TEAD1: variants seen among roughly 807,000 people sequenced by gnomAD.
TEAD1 encodes TEA domain transcription factor 1.
A neutral mutation model predicts 54.9 loss-of-function variants in TEAD1; 9 were observed. The ratio of observed to expected loss-of-function variants is 0.16; its 90% CI spans 0.10 to 0.29. TEAD1 has a LOEUF of 0.29. Among genes scored for constraint, TEAD1 ranks in the 10% least tolerant of loss-of-function variants. TEAD1 has a pLI of 1.00. For missense variants in TEAD1, 387 were observed against 535.9 expected (o/e 0.72, Z 2.74); for synonymous variants, 200 against 187.8 (o/e 1.07, Z -0.53).
chr11:12,771,896 C>G (rs1033031635), intron 3 of TEAD1, among the ~76,000 whole-genome samples: 1 of 152,202 alleles, frequency 6.6e-6, no homozygotes. Context: ...CCAAGGCTCA[C>G]TATCAACAGA....
In TEAD1 at chr11:12,938,744, G is replaced by A. The variant is rs1949132174; in HGVS notation, c.*1522G>A. 6.6e-6 allele frequency: 1 copy of A among 152,262 alleles called. No individual in the cohort carries two copies. The highest frequency in any genetic ancestry group is 2.4e-5 in the African/African-American group (1 of 41,464). 9.4% of individuals were successfully genotyped at this position (152,262 alleles called of 1,614,324 possible). ...ATTGCCCAGGCAGAGTTGGTTTGAT[G>A]TGGCCAGATGTTTTGAGTTATTTCC... On this transcript the variant is annotated 3_prime_UTR_variant, in exon 13 of 13. Coordinates refer to ENST00000527636, the MANE Select transcript of TEAD1 (RefSeq NM_021961.6).
intron 3 of TEAD1, among the ~76,000 whole-genome samples, chr11:12,825,577 T>G (rs1391012190): frequency 6.6e-6 from 1 of 152,210 alleles, no homozygotes; most frequent in African/African-American, 2.4e-5. Flanking sequence ...TTGTTAAATC[T>G]TCCTAAAATG....
intron 3 of TEAD1, chr11:12,828,478 C>T (rs116135108): frequency 2.6e-5 from 4 of 152,164 alleles, no homozygotes; most frequent in Non-Finnish European, 5.9e-5. Context: ...CCGGGCAGAC[C>T]TCTCTCCTTT....
intron 3 of TEAD1, among the ~76,000 whole-genome samples, chr11:12,770,094 C>T (rs1432675443): frequency 6.6e-6 from 1 of 152,016 alleles, no homozygotes; most frequent in Admixed American, 6.5e-5. Flanking sequence ...GATTTCTGCA[C>T]AAAATATGGA....
chr11:12,854,335 T>G (rs1309584174), intron 3 of TEAD1, among the ~76,000 whole-genome samples: 1 of 152,150 alleles, frequency 6.6e-6, no homozygotes, highest in Admixed American at 6.5e-5. Context: ...TTCTCAGCAC[T>G]GGATGCACAG....
chr11:12,916,374 C>T (rs560130322), intron 10 of TEAD1, among the ~76,000 whole-genome samples: 4 of 152,220 alleles, frequency 2.6e-5, no homozygotes, highest in South Asian at 2.1e-4. Flanking sequence ...CAGTCTTTAT[C>T]GTGTTTATTG....
chr11:12,812,130 A>G (rs991325136), intron 3 of TEAD1, among the ~76,000 whole-genome samples: 1 of 152,016 alleles, frequency 6.6e-6, no homozygotes, highest in African/African-American at 2.4e-5. Flanking sequence ...GCTCAGAAAC[A>G]CTGTCTTTAT....
chr11:12,675,350 G>GCCC (rs922466859), intron 1 of TEAD1, 59 bp from the exon 2 acceptor site: 59 of 152,352 alleles, frequency 3.9e-4, no homozygotes, highest in African/African-American at 1.4e-3. Flanking sequence ...GCTGGCGGGG[G>GCCC]GTTCGCTCCT....
At chr11:12,675,014 A>G (rs1434439466) in intron 1 of TEAD1, among the ~76,000 whole-genome samples, 180 bp downstream of exon 1, 1 of 144,552 alleles carries the variant, frequency 6.9e-6, no homozygotes, top group Non-Finnish European at 1.5e-5. Context: ...GCCCCCTCCG[A>G]GGTGAGCGGC....
At chr11:12,893,667 T>C (rs1948245920) in intron 9 of TEAD1, among the ~76,000 whole-genome samples, 1 of 151,778 alleles carries the variant, frequency 6.6e-6, no homozygotes, top group African/African-American at 2.4e-5. Context: ...CAGCAGCCCC[T>C]CTGTAGAGAT....
intron 3 of TEAD1, among the ~76,000 whole-genome samples, chr11:12,810,206 C>G (rs1323156686): frequency 6.6e-6 from 1 of 151,974 alleles, no homozygotes; most frequent in Non-Finnish European, 1.5e-5. Flanking sequence ...GTCTTGAACT[C>G]TTGACCTCGT....
intron 2 of TEAD1, among the ~76,000 whole-genome samples, chr11:12,715,500 C>T (rs117506571): frequency 0.011 from 1,748 of 152,102 alleles, 16 homozygotes; most frequent in Middle Eastern, 0.017. Context: ...GGTGGGGGGC[C>T]CAGGTGTTCT....
chr11:12,709,105 A>G (rs1192064775), intron 2 of TEAD1, among the ~76,000 whole-genome samples: 1 of 152,148 alleles, frequency 6.6e-6, no homozygotes. Flanking sequence ...TGGGAGGCCA[A>G]GTGGGGTGGA....
At chr11:12,775,536 T>C (rs1945399403) in intron 3 of TEAD1, among the ~76,000 whole-genome samples, 3 of 152,206 alleles carry the variant, frequency 2.0e-5, no homozygotes. Context: ...TTTATCCCGT[T>C]CCAGTGATAG....
At chr11:12,919,498 T>C (rs1352109942) in intron 10 of TEAD1, among the ~76,000 whole-genome samples, 8 of 152,190 alleles carry the variant, frequency 5.3e-5, no homozygotes, top group Non-Finnish European at 1.2e-4. Context: ...ATTTTTTTAA[T>C]TACTTTTTTT....
In TEAD1 at chr11:12,885,261, C is replaced by T. The variant is rs1359550088; in HGVS notation, c.699+2136C>T. 1.1e-4 allele frequency among the ~76,000 whole-genome samples: 15 copies of T among 136,246 alleles called. 1 individual carries two copies. Among genetic ancestry groups the T allele is most frequent in the Admixed American group, 1.0e-3 (13 of 12,834 alleles). 89.4% of individuals were successfully genotyped at this position (136,246 alleles called of 152,430 possible). ...TTTTTTTTTTTTTTTTTTGAGACAGCGTCTCGCTCTGTTGCCCAGGCTGGA... is the reference window on the plus strand; with the variant it reads ...TTTTTTTTTTTTTTTTTTGAGACAGTGTCTCGCTCTGTTGCCCAGGCTGGA... On this transcript the variant is annotated intron_variant, in intron 9 of 12. Coordinates refer to ENST00000527636, the MANE Select transcript of TEAD1 (RefSeq NM_021961.6).
At chr11:12,698,512 G>A (rs1329772973) in intron 2 of TEAD1, among the ~76,000 whole-genome samples, 3 of 144,726 alleles carry the variant, frequency 2.1e-5, no homozygotes, top group Non-Finnish European at 3.1e-5. Flanking sequence ...CTTAAAGAGG[G>A]TTTTTTTTTT....
At chr11:12,882,607 C>A (rs900519738) in intron 8 of TEAD1, among the ~76,000 whole-genome samples, 8 of 152,166 alleles carry the variant, frequency 5.3e-5, no homozygotes, top group African/African-American at 1.9e-4. Context: ...CTAGTGACCA[C>A]AGTCTTAAGG....
At chr11:12,933,449 A>G (rs1055493404) in intron 12 of TEAD1, among the ~76,000 whole-genome samples, 1 of 152,224 alleles carries the variant, frequency 6.6e-6, no homozygotes, top group Non-Finnish European at 1.5e-5. Context: ...AACTTATACA[A>G]ATCATCTCTT....
Sources: allele counts gnomAD v4.1 joint callset (sites outside exome capture counted in the v4.1 genomes callset), GRCh38; gene constraint gnomAD v4.1.1; transcripts MANE v1.5; gene names NCBI Gene and HGNC (gene_info 2026-07-23, HGNC 2026-07-21).